The following PTPN2 variants were observed in gnomAD, a reference collection of about 807,000 sequenced individuals.
The protein encoded by PTPN2 is tyrosine-protein phosphatase non-receptor type 2.
PTPN2 carries 19 observed loss-of-function variants against 57.3 expected under a neutral mutation model. The ratio of observed to expected loss-of-function variants is 0.33; its 90% CI spans 0.23 to 0.49. PTPN2 has a LOEUF of 0.49. Ranked by LOEUF, PTPN2 falls within the 20% of genes least tolerant of loss-of-function variation. PTPN2 has a pLI of 0.99. For synonymous variants in PTPN2, 153 were observed against 164.9 expected, an observed-to-expected ratio of 0.93 and a Z score of 0.55; for missense variants, 358 against 501.1, an observed-to-expected ratio of 0.71 and a Z score of 2.73.
At chr18:12,806,764 C>T (rs2041666343) in intron 7 of PTPN2, among the ~76,000 whole-genome samples, 1 of 151,896 alleles carries the variant, frequency 6.6e-6, no homozygotes, top group Non-Finnish European at 1.5e-5. Context: ...AAACTAGACC[C>T]CTATCTCTCA....
intron 7 of PTPN2, among the ~76,000 whole-genome samples, chr18:12,812,491 C>T (rs183607874): frequency 3.8e-4 from 58 of 152,138 alleles, no homozygotes; most frequent in South Asian, 8.3e-4. Context: ...CCCAACTACT[C>T]GGAAGGCTGA....
At chr18:12,800,974 CAT>C (rs1475325271) in intron 8 of PTPN2, among the ~76,000 whole-genome samples, 4 of 152,194 alleles carry the variant, frequency 2.6e-5, no homozygotes, top group African/African-American at 4.8e-5. Flanking sequence ...ATTAAGCTTA[CAT>C]GTTTAAATGT....
intron 2 of PTPN2, chr18:12,840,681 T>C: frequency 3.1e-6 from 5 of 1,594,844 alleles, no homozygotes; most frequent in Non-Finnish European, 4.2e-6. Flanking sequence ...AGCACAAAAA[T>C]GAAACCTAGA....
At chr18:12,838,485 A>G (rs1225260543) in intron 2 of PTPN2, among the ~76,000 whole-genome samples, 2 of 152,230 alleles carry the variant, frequency 1.3e-5, no homozygotes, top group Non-Finnish European at 2.9e-5. Flanking sequence ...TAAAATATGC[A>G]CGAGGTGTTA....
intron 2 of PTPN2, among the ~76,000 whole-genome samples, chr18:12,846,006 C>A (rs548172427): frequency 2.0e-5 from 3 of 152,076 alleles, no homozygotes; most frequent in Non-Finnish European, 4.4e-5. Context: ...TATTTTTTAA[C>A]CTTTTGAAAC....
intron 5 of PTPN2, among the ~76,000 whole-genome samples, chr18:12,817,621 T>C (rs2042121540): frequency 6.6e-6 from 1 of 152,184 alleles, no homozygotes; most frequent in African/African-American, 2.4e-5. Flanking sequence ...ACTTTACTTA[T>C]TAACTCAATC....
chr18:12,801,695 G>A (rs2041432041), intron 8 of PTPN2: 2 of 291,904 alleles, frequency 6.9e-6, no homozygotes, highest in South Asian at 3.7e-5. Context: ...AGTCTCCCGA[G>A]TGGCTGGGAC....
chr18:12,795,622 TCTGA>T (rs1465680608), intron 8 of PTPN2, among the ~76,000 whole-genome samples: 1 of 152,178 alleles, frequency 6.6e-6, no homozygotes, highest in Non-Finnish European at 1.5e-5. Flanking sequence ...GTGGAAGGTC[TCTGA>T]CTCTCAAGAT....
intron 2 of PTPN2, among the ~76,000 whole-genome samples, chr18:12,858,800 A>G (rs190177580): frequency 6.6e-6 from 1 of 152,344 alleles, no homozygotes; most frequent in Non-Finnish European, 1.5e-5. Flanking sequence ...AACTACACCA[A>G]TAACTATTTT....
chr18:12,851,794 A>T (rs1356127433), intron 2 of PTPN2, among the ~76,000 whole-genome samples: 1 of 152,154 alleles, frequency 6.6e-6, no homozygotes, highest in East Asian at 1.9e-4. Context: ...TGTTTATTTG[A>T]GAATCTTTTT....
intron 2 of PTPN2, among the ~76,000 whole-genome samples, chr18:12,844,944 A>G (rs576634416): frequency 1.3e-5 from 2 of 152,114 alleles, no homozygotes; most frequent in Non-Finnish European, 2.9e-5. Flanking sequence ...ATTGCTTTGC[A>G]CCTTTGTCAA....
chr18:12,794,331 A>G lies in PTPN2; in HGVS notation c.1195T>C (p.Leu399=), dbSNP rs928536232. ...LTKMGFMSVI[L]VGAFVGWTLF... ...GTCCAGCCAACAAAAGCGCCAACCA[A>G]AATGACTGACATAAACCCCATCTTA... Residue 399 remains leucine, a synonymous_variant, in exon 9 of 9, where the codon TTG becomes CTG. Transcript: ENST00000309660. 1 of 1,614,260 alleles carries G rather than the reference A, an allele frequency of 6.2e-7. No individual in the cohort carries two copies. The highest frequency in any genetic ancestry group is 8.5e-7 in the Non-Finnish European group (1 of 1,180,046).
chr18:12,881,097 T>G (rs1167455860), intron 1 of PTPN2, among the ~76,000 whole-genome samples: 1 of 152,216 alleles, frequency 6.6e-6, no homozygotes, highest in African/African-American at 2.4e-5. Flanking sequence ...TGCCTACACT[T>G]TCCTCATCCA....
rs946933114 is a variant in PTPN2, at chr18:12,849,428, T to C, written c.160+9736A>G. Among the ~76,000 whole-genome samples, 5 of 152,210 alleles carry C rather than the reference T, an allele frequency of 3.3e-5. No homozygotes were observed. The East Asian group carries it at 9.6e-4, about 29-fold the overall frequency. On this transcript the variant is annotated intron_variant, in intron 2 of 8. Transcript: ENST00000309660. ...ACAAAAATTAGCCAGACATGGCGGCTAACGCCTGTAATACAAACTACTTGG... is the reference window on the plus strand; with the variant it reads ...ACAAAAATTAGCCAGACATGGCGGCCAACGCCTGTAATACAAACTACTTGG...
At chr18:12,792,053 A>C, downstream of PTPN2, 1 of 231,952 alleles carries the variant, frequency 4.3e-6, no homozygotes, top group Non-Finnish European at 7.1e-6. Context: ...ATGCCTCAAC[A>C]CAGGTTTAAT....
chr18:12,799,773 T>C (rs1424303390), intron 8 of PTPN2, among the ~76,000 whole-genome samples: 1 of 152,022 alleles, frequency 6.6e-6, no homozygotes, highest in Non-Finnish European at 1.5e-5. Context: ...GTCCAAGTTG[T>C]TTCTCACTCT....
At chr18:12,877,981 G>A (rs1598902680) in intron 1 of PTPN2, among the ~76,000 whole-genome samples, 1 of 151,998 alleles carries the variant, frequency 6.6e-6, no homozygotes, top group East Asian at 1.9e-4. Flanking sequence ...AGCGAGCCGA[G>A]ATGACGCCAC....
At chr18:12,855,771 T>C (rs76002651) in intron 2 of PTPN2, among the ~76,000 whole-genome samples, 1,691 of 152,200 alleles carry the variant, frequency 0.011, 23 homozygotes, top group African/African-American at 0.039. Context: ...GAATGACTGA[T>C]TTTTCCTAAG....
At chr18:12,789,894 GTA>G (rs1426387010), downstream of PTPN2, among the ~76,000 whole-genome samples, 3 of 151,018 alleles carry the variant, frequency 2.0e-5, no homozygotes, top group Non-Finnish European at 4.4e-5. Context: ...ATATATGTAT[GTA>G]TATATGTATT....
Sources: gnomAD v4.1 joint callset for allele counts (sites outside exome capture counted in the v4.1 genomes callset) on GRCh38, gnomAD v4.1.1 for gene constraint, MANE v1.5 for transcripts, NCBI Gene and HGNC (gene_info 2026-07-23, HGNC 2026-07-21) for gene names.